The following TP63 variants were observed in gnomAD, a reference collection of about 807,000 sequenced individuals.
The protein encoded by TP63 is tumor protein p63.
In TP63, 17 loss-of-function variants were observed where a neutral mutation model predicts 82.8. The observed-to-expected ratio is 0.21, with a 90% confidence interval of 0.14 to 0.31. The LOEUF is 0.31. TP63 is among the 10% of genes least tolerant of loss of function. The pLI is 1.00. For synonymous variants in TP63, 330 were observed against 321.7 expected, an observed-to-expected ratio of 1.03 and a Z score of -0.28; for missense variants, 648 against 895.3, an observed-to-expected ratio of 0.72 and a Z score of 3.52.
At position 189,825,248 on chromosome 3, in the gene TP63, G is replaced by T. The variant is rs560019296; in HGVS notation, c.579+16722G>T. On this transcript the variant is annotated intron_variant, in intron 4 of 13. Coordinates refer to ENST00000264731, the MANE Select transcript of TP63 (RefSeq NM_003722.5). The stretch of plus-strand genomic sequence containing the variant: ...AGTTTTGGAGGAATCACCTTAAAAT[G>T]TTATTTCCTCATATAATAGGCATAT... Among the ~76,000 whole-genome samples the T allele has an allele frequency of 9.7e-4, 148 of 152,302 alleles. 1 individual carries two copies. The highest frequency in any genetic ancestry group is 3.5e-3 in the African/African-American group (145 of 41,568).
At chr3:189,868,011 G>A in intron 7 of TP63, 69 bp downstream of exon 7, 2 of 1,304,206 alleles carry the variant, frequency 1.5e-6, no homozygotes, top group Middle Eastern at 1.8e-4. Context: ...TGAAATCGTG[G>A]CTGCTTTATC....
At chr3:189,862,045 G>T (rs904177466) in intron 4 of TP63, among the ~76,000 whole-genome samples, 6 of 152,138 alleles carry the variant, frequency 3.9e-5, no homozygotes, top group Non-Finnish European at 8.8e-5. Flanking sequence ...TGAAACCCAG[G>T]TTTCGTAGTC....
chr3:189,889,507 T>C (rs1255572432), intron 12 of TP63, 23 bp downstream of exon 12: 1 of 1,614,062 alleles, frequency 6.2e-7, no homozygotes, highest in African/African-American at 1.3e-5. Flanking sequence ...CATGTGCCCC[T>C]GGGGGCCTGC....
Position 189,651,375 on chromosome 3 carries a change from A to G in TP63, c.62+19798A>G, listed in dbSNP as rs1031579590. Among the ~76,000 whole-genome samples the G allele has an allele frequency of 4.1e-5, 6 of 146,028 alleles. 1 individual carries two copies. The highest frequency in any genetic ancestry group is 7.8e-5 in the African/African-American group (3 of 38,708). The stretch of plus-strand genomic sequence containing the variant: ...AGCCTGGCCAACATGGTGAAATCCA[A>G]TCTCTTCTAAAAATACGAAAATTAG... On this transcript the variant is annotated intron_variant, in intron 1 of 13. Transcript: ENST00000264731.
chr3:189,855,872 G>A (rs1386136555), intron 4 of TP63, among the ~76,000 whole-genome samples: 1 of 152,014 alleles, frequency 6.6e-6, no homozygotes, highest in East Asian at 1.9e-4. Context: ...TGTAGAAAAA[G>A]AGAAGTTGGG....
intron 3 of TP63, among the ~76,000 whole-genome samples, chr3:189,764,218 G>C (rs1722777596): frequency 6.6e-6 from 1 of 152,162 alleles, no homozygotes; most frequent in South Asian, 2.1e-4. Context: ...ATTCAGAATA[G>C]ACTACATGCT....
chr3:189,831,465 T>G (rs1197967313), intron 4 of TP63, among the ~76,000 whole-genome samples: 1 of 152,092 alleles, frequency 6.6e-6, no homozygotes, highest in East Asian at 1.9e-4. Flanking sequence ...ATGATATCAT[T>G]CGAGCTTCAC....
At chr3:189,607,509 A>T in the TP63 span, among the ~76,000 whole-genome samples, 1 of 152,072 alleles carries the variant, frequency 6.6e-6, no homozygotes, top group Non-Finnish European at 1.5e-5. Flanking sequence ...TAGTTGTGAA[A>T]TTTTTTAAAA....
At chr3:189,717,358 C>T (rs1410622766) in intron 1 of TP63, among the ~76,000 whole-genome samples, 3 of 152,122 alleles carry the variant, frequency 2.0e-5, no homozygotes, top group East Asian at 1.9e-4. Context: ...TCATCTTCCA[C>T]ACTGATCAAG....
intron 1 of TP63, among the ~76,000 whole-genome samples, chr3:189,725,709 T>A (rs1392797467): frequency 1.3e-5 from 2 of 152,206 alleles, no homozygotes; most frequent in African/African-American, 2.4e-5. Flanking sequence ...GCCATGGTTC[T>A]TTGTTACTAC....
the TP63 span, among the ~76,000 whole-genome samples, chr3:189,615,610 A>C: frequency 6.6e-6 from 1 of 151,824 alleles, no homozygotes; most frequent in African/African-American, 2.4e-5. Flanking sequence ...CTCAGTTTCC[A>C]CTCCCATATG....
chr3:189,880,232 AGT>A (rs147985284), intron 10 of TP63: 1,520 of 1,556,770 alleles, frequency 9.8e-4, no homozygotes, highest in South Asian at 2.0e-3. Flanking sequence ...TGTATATGTG[AGT>A]GTGTGTGTGT....
intron 3 of TP63, among the ~76,000 whole-genome samples, chr3:189,787,910 G>GTT (rs777016346): frequency 1.3e-5 from 2 of 151,934 alleles, no homozygotes; most frequent in Non-Finnish European, 2.9e-5. Context: ...CCAGAAATCT[G>GTT]TTTTTAAAAA....
At chr3:189,665,582 C>G (rs1714311527) in intron 1 of TP63, among the ~76,000 whole-genome samples, 1 of 152,042 alleles carries the variant, frequency 6.6e-6, no homozygotes, top group South Asian at 2.1e-4. Context: ...CAGAGGATGG[C>G]TGAGCAGGAA....
chr3:189,637,489 A>G (rs796889538), intron 1 of TP63, among the ~76,000 whole-genome samples: 27 of 152,202 alleles, frequency 1.8e-4, no homozygotes, highest in African/African-American at 6.5e-4. Flanking sequence ...CTCAGTTCTT[A>G]TACTTTAGAA....
intron 1 of TP63, among the ~76,000 whole-genome samples, chr3:189,670,673 A>G (rs1483487376): frequency 6.6e-6 from 1 of 152,094 alleles, no homozygotes; most frequent in East Asian, 1.9e-4. Flanking sequence ...AGCATTAGTA[A>G]CCAAAACAGT....
At chr3:189,669,480 G>C (rs571560967) in intron 1 of TP63, among the ~76,000 whole-genome samples, 1 of 152,070 alleles carries the variant, frequency 6.6e-6, no homozygotes, top group Non-Finnish European at 1.5e-5. Context: ...TGGGCAAATA[G>C]AAAATGTTTT....
chr3:189,810,951 A>G (rs1577010376), intron 4 of TP63, among the ~76,000 whole-genome samples: 1 of 152,082 alleles, frequency 6.6e-6, no homozygotes, highest in Admixed American at 6.6e-5. Context: ...CAATTGTCTT[A>G]CTCAAAAAGT....
chr3:189,670,280 C>T (rs1293824817), intron 1 of TP63, among the ~76,000 whole-genome samples: 3 of 151,968 alleles, frequency 2.0e-5, no homozygotes, highest in African/African-American at 7.2e-5. Context: ...GAGTTCAGAA[C>T]AGGTACAGAA....
Sources: allele counts gnomAD v4.1 joint callset (sites outside exome capture counted in the v4.1 genomes callset), GRCh38; gene constraint gnomAD v4.1.1; transcripts MANE v1.5; gene names NCBI Gene and HGNC (gene_info 2026-07-23, HGNC 2026-07-21).